SUCO: variants seen among roughly 807,000 people sequenced by gnomAD.
The protein encoded by SUCO is SUN domain containing ossification factor, also known as SUN domain-containing ossification factor.
In SUCO, 57 loss-of-function variants were observed where a neutral mutation model predicts 148.1. The observed-to-expected ratio is 0.38, with a 90% CI of 0.31 to 0.48. SUCO has a LOEUF of 0.48. Among genes scored for constraint, SUCO ranks in the 20% least tolerant of loss-of-function variants. The probability of loss-of-function intolerance (pLI) is 0.96; values close to 1 mark genes in which losing one functional copy is unlikely to be tolerated. For missense variants in SUCO, 1,331 were observed against 1,468.2 expected (o/e 0.91, Z 1.53); for synonymous variants, 470 against 502.7 (o/e 0.93, Z 0.87).
intron 6 of SUCO, among the ~76,000 whole-genome samples, chr1:172,567,294 A>G (rs1654620400): frequency 2.6e-5 from 4 of 152,240 alleles, no homozygotes; most frequent in Admixed American, 1.3e-4. Flanking sequence ...TGAACACATC[A>G]AAACTTTGTT....
chr1:172,593,669 C>G (rs368629261), intron 19 of SUCO, among the ~76,000 whole-genome samples: 2 of 152,106 alleles, frequency 1.3e-5, no homozygotes, highest in African/African-American at 4.8e-5. Context: ...CTGCTGGATT[C>G]GGTTTGCCAG....
At chr1:172,603,013 G>T (rs948749139) in intron 22 of SUCO, 9 of 445,542 alleles carry the variant, frequency 2.0e-5, no homozygotes, top group African/African-American at 1.4e-4. Flanking sequence ...ATTAGCAGTT[G>T]GTAGCTTTGT....
intron 6 of SUCO, among the ~76,000 whole-genome samples, chr1:172,564,482 T>C (rs1558185769): frequency 6.6e-6 from 1 of 152,182 alleles, no homozygotes; most frequent in East Asian, 1.9e-4. Context: ...ACTCTCTTTC[T>C]CCTGCGCCAC....
intron 1 of SUCO, among the ~76,000 whole-genome samples, chr1:172,533,757 G>A (rs1444674560): frequency 1.3e-5 from 2 of 152,166 alleles, no homozygotes; most frequent in Non-Finnish European, 2.9e-5. Flanking sequence ...ACCACCAAGT[G>A]CCTTTGTACT....
intron 6 of SUCO, 84 bp downstream of exon 6, chr1:172,557,878 A>G (rs1653866135): frequency 1.8e-6 from 2 of 1,098,086 alleles, no homozygotes; most frequent in Non-Finnish European, 2.6e-6. Flanking sequence ...TTTGCTAACT[A>G]TATTTGTCAT....
chr1:172,575,668 C>A, intron 11 of SUCO, 45 bp downstream of exon 11: 2 of 1,341,298 alleles, frequency 1.5e-6, no homozygotes, highest in Non-Finnish European at 2.1e-6. Context: ...TGAAAATATA[C>A]GTGTTATTCA....
At chr1:172,569,632 C>A in intron 7 of SUCO, 1 of 440,730 alleles carries the variant, frequency 2.3e-6, no homozygotes, top group Non-Finnish European at 3.0e-6. Flanking sequence ...GTGCAGCACA[C>A]CACCATGGCA....
chr1:172,587,698 ACTTT>A, intron 17 of SUCO, among the ~76,000 whole-genome samples: 1 of 152,146 alleles, frequency 6.6e-6, no homozygotes, highest in South Asian at 2.1e-4. Context: ...CTATTTTATT[ACTTT>A]CTTCTGTCTT....
At chr1:172,601,063 A>G (rs1657484307) in intron 20 of SUCO, among the ~76,000 whole-genome samples, 1 of 152,330 alleles carries the variant, frequency 6.6e-6, no homozygotes, top group Admixed American at 6.5e-5. Flanking sequence ...TCTTTGTATC[A>G]TTAGAAGTAT....
rs572826955 is a variant in SUCO, at chr1:172,584,706, G to A, written c.1499-312G>A. 1.9e-3 allele frequency among the ~76,000 whole-genome samples: 284 copies of A among 152,296 alleles called. 3 individuals carry two copies. Among genetic ancestry groups the A allele is most frequent in the Non-Finnish European group, 2.7e-3 (187 of 68,008 alleles). On this transcript the variant is annotated intron_variant, in intron 15 of 23. Coordinates refer to ENST00000263688, the MANE Select transcript of SUCO (RefSeq NM_014283.5). ...GGGAATTGCTTGAACCTGGGAGGCAGAGGTTGTTGCAGTGAGCCGAGATTG... is the reference window on the plus strand; with the variant it reads ...GGGAATTGCTTGAACCTGGGAGGCAAAGGTTGTTGCAGTGAGCCGAGATTG...
At chr1:172,587,071 T>TTA (rs1656294717) in intron 17 of SUCO, among the ~76,000 whole-genome samples, 4 of 148,422 alleles carry the variant, frequency 2.7e-5, no homozygotes, top group Admixed American at 1.3e-4. Context: ...ATTTGGTTTT[T>TTA]TATATATATA....
intron 15 of SUCO, among the ~76,000 whole-genome samples, chr1:172,583,185 A>T (rs147058961): frequency 6.6e-6 from 1 of 152,214 alleles, no homozygotes; most frequent in East Asian, 1.9e-4. Flanking sequence ...TCCAGACTTC[A>T]TCTTGGTTTA....
chr1:172,554,379 A>G lies in SUCO; in HGVS notation c.288+1009A>G, dbSNP rs185541743. Among the ~76,000 whole-genome samples the G allele has an allele frequency of 9.1e-4, 138 of 152,336 alleles. 1 individual carries two copies. Among genetic ancestry groups the G allele is most frequent in the East Asian group, 7.7e-3 (40 of 5,190 alleles). On this transcript the variant is annotated intron_variant, in intron 3 of 23. Transcript: ENST00000263688. Reference sequence around the variant, plus strand: ...CTTGTATACCTATGTTGTTCATTACAGTAGCCACTAGCCACATGTGGCCAT... The same window carrying G: ...CTTGTATACCTATGTTGTTCATTACGGTAGCCACTAGCCACATGTGGCCAT...
intron 9 of SUCO, among the ~76,000 whole-genome samples, chr1:172,573,384 T>C (rs1655188964): frequency 6.6e-6 from 1 of 152,200 alleles, no homozygotes; most frequent in Non-Finnish European, 1.5e-5. Context: ...TTCTCTTTGC[T>C]AAATATTTAA....
At chr1:172,607,875 A>G (rs187446976) in intron 22 of SUCO, among the ~76,000 whole-genome samples, 1,947 of 152,088 alleles carry the variant, frequency 0.013, 31 homozygotes, top group Non-Finnish European at 0.019. Context: ...AATGTAAAAA[A>G]TTATAATTGG....
Position 172,570,816 on chromosome 1 carries a change from T to C in SUCO, c.1049+86T>C, listed in dbSNP as rs1044133294. On this transcript the variant is annotated intron_variant, in intron 9 of 23. Transcript: ENST00000263688. ...TTTACATTAGGGTTACATTGACATA[T>C]AATAATTTAATAAGCTTTTATGATT... The C allele has an allele frequency of 6.3e-6, 5 of 794,164 alleles. No individual in the cohort carries two copies. In the East Asian group the frequency reaches 1.0e-4, roughly 17 times the overall value. The allele number at this position is 794,164 out of a possible 1,614,324, so 49.2% of individuals were successfully genotyped here. A position where few individuals can be genotyped will look rare whatever the true frequency, so the allele number is the denominator to read the frequency against.
chr1:172,534,680 C>T (rs1651883059), intron 1 of SUCO, among the ~76,000 whole-genome samples: 2 of 152,198 alleles, frequency 1.3e-5, no homozygotes, highest in Non-Finnish European at 1.5e-5. Flanking sequence ...AAATCCTCCC[C>T]TTTCTACTTA....
At chr1:172,540,403 A>G (rs544340504) in intron 1 of SUCO, among the ~76,000 whole-genome samples, 20 of 152,352 alleles carry the variant, frequency 1.3e-4, no homozygotes, top group Non-Finnish European at 1.3e-4. Flanking sequence ...TTTAAAAGAA[A>G]TACGCATACC....
At chr1:172,563,491 T>C (rs1654329916) in intron 6 of SUCO, among the ~76,000 whole-genome samples, 1 of 152,252 alleles carries the variant, frequency 6.6e-6, no homozygotes, top group South Asian at 2.1e-4. Flanking sequence ...TTTAAGGATC[T>C]GTGGGACTTT....
Sources: gnomAD v4.1 joint callset for allele counts (sites outside exome capture counted in the v4.1 genomes callset) on GRCh38, gnomAD v4.1.1 for gene constraint, MANE v1.5 for transcripts, NCBI Gene and HGNC (gene_info 2026-07-23, HGNC 2026-07-21) for gene names.